Variants in SMAD9 observed in about 807,000 individuals in gnomAD.
SMAD9 encodes MAD homolog 9.
A neutral mutation model predicts 46.1 loss-of-function variants in SMAD9; 36 were observed. The observed-to-expected ratio is 0.78, with a 90% CI of 0.60 to 1.03. The LOEUF is 1.03. SMAD9 is among the 50% of genes least tolerant of loss of function. SMAD9 has a pLI of 0.00. For synonymous variants in SMAD9, 245 were observed against 237.1 expected (o/e 1.03, Z -0.31); for missense variants, 572 against 599.8 (o/e 0.95, Z 0.48).
At chr13:36,860,242 G>T (rs183103291) in intron 5 of SMAD9, among the ~76,000 whole-genome samples, 3 of 151,940 alleles carry the variant, frequency 2.0e-5, no homozygotes, top group African/African-American at 4.8e-5. Context: ...AAAACAAGAA[G>T]AATTACTAGA....
chr13:36,915,163 T>C (rs958037928), intron 1 of SMAD9, among the ~76,000 whole-genome samples: 1 of 152,196 alleles, frequency 6.6e-6, no homozygotes, highest in Non-Finnish European at 1.5e-5. Context: ...ACACTTCTAC[T>C]ACTTGCAAAC....
chr13:36,856,903 A>G (rs2058132054), intron 5 of SMAD9, among the ~76,000 whole-genome samples: 1 of 150,730 alleles, frequency 6.6e-6, no homozygotes, highest in Non-Finnish European at 1.5e-5. Context: ...CCCGGGTTCA[A>G]GCGATTCTCC....
chr13:36,856,330 C>T (rs139892066), intron 5 of SMAD9, among the ~76,000 whole-genome samples: 40 of 152,234 alleles, frequency 2.6e-4, no homozygotes, highest in African/African-American at 7.2e-4. Context: ...AAGATAAATA[C>T]GATTTTTTTG....
At position 36,920,187 on chromosome 13, in the gene SMAD9, A is replaced by AGCAGCG. The variant is rs2058733812; in HGVS notation, c.-259_-258insCGCTGC. ...CGGGGACCGAGACAGCGGCTGCAGC[A>AGCAGCG]GCGGCGGCGGCGGCGGCGGCGGCGG... On this transcript the variant is annotated 5_prime_UTR_variant, in exon 1 of 7. Transcript: ENST00000379826. 1 of 143,946 alleles carries AGCAGCG rather than the reference A, an allele frequency of 6.9e-6. No homozygotes were observed. Among genetic ancestry groups the AGCAGCG allele is most frequent in the South Asian group, 1.9e-4 (1 of 5,316 alleles). The allele number at this position is 143,946 out of a possible 1,614,324, so 8.9% of individuals were successfully genotyped here.
At chr13:36,852,451 T>C (rs1366292205) in intron 6 of SMAD9, 3 of 985,302 alleles carry the variant, frequency 3.0e-6, no homozygotes, top group Non-Finnish European at 3.6e-6. Flanking sequence ...TTCACTTCCA[T>C]ATACAAACCC....
chr13:36,916,358 G>A (rs1453939090), intron 1 of SMAD9, among the ~76,000 whole-genome samples: 2 of 152,190 alleles, frequency 1.3e-5, no homozygotes, highest in East Asian at 3.9e-4. Context: ...TGCAATAAGA[G>A]TATCATAGAA....
chr13:36,897,005 A>G lies in SMAD9; in HGVS notation c.-186-17130T>C, dbSNP rs183121027. On this transcript the variant is annotated intron_variant, in intron 1 of 6. Transcript: ENST00000379826. ...AAAAAAAACAGATTTAGAACACTCT[A>G]TGTGTAGATTTTATGAGCTGGTTTT... 2.0e-3 allele frequency among the ~76,000 whole-genome samples: 301 copies of G among 152,218 alleles called. 2 individuals carry two copies. The highest frequency in any genetic ancestry group is 6.6e-3 in the African/African-American group (274 of 41,540).
chr13:36,879,155 T>TG, intron 2 of SMAD9, 123 bp downstream of exon 2: 1 of 710,726 alleles, frequency 1.4e-6, no homozygotes, highest in Non-Finnish European at 2.2e-6. Context: ...AACCTCCCTC[T>TG]CCTCTCTTCT....
chr13:36,917,873 C>T (rs1177516437), intron 1 of SMAD9, among the ~76,000 whole-genome samples: 1 of 152,160 alleles, frequency 6.6e-6, no homozygotes, highest in Non-Finnish European at 1.5e-5. Flanking sequence ...TCTCATTAAT[C>T]AGAATTAAAC....
At chr13:36,919,401 C>G (rs2058723523) in intron 1 of SMAD9, among the ~76,000 whole-genome samples, 1 of 152,132 alleles carries the variant, frequency 6.6e-6, no homozygotes, top group Non-Finnish European at 1.5e-5. Context: ...AAGACAAACA[C>G]CCCGGCTCCG....
chr13:36,859,748 G>A (rs1289620365), intron 5 of SMAD9, among the ~76,000 whole-genome samples: 2 of 152,128 alleles, frequency 1.3e-5, no homozygotes, highest in African/African-American at 2.4e-5. Context: ...ATTGCCGGAG[G>A]TCGGGAGTTT....
At chr13:36,880,160 C>T (rs753656160) in intron 1 of SMAD9, among the ~76,000 whole-genome samples, 1 of 152,224 alleles carries the variant, frequency 6.6e-6, no homozygotes, top group Non-Finnish European at 1.5e-5. Context: ...GGTCTCAGGT[C>T]ATTCTGCCCT....
At chr13:36,919,608 C>A (rs1423186964) in intron 1 of SMAD9, among the ~76,000 whole-genome samples, 1 of 150,906 alleles carries the variant, frequency 6.6e-6, no homozygotes, top group African/African-American at 2.4e-5. Context: ...TGTCCGCTGT[C>A]CCCTATCTCC....
chr13:36,860,524 A>G lies in SMAD9; in HGVS notation c.1003+5013T>C, dbSNP rs556193591. ...GAGTGCAGTGGCACCAACTCGGCTC[A>G]CTGCAAGCTCTGCCTCCTGGGTTCA... On this transcript the variant is annotated intron_variant, in intron 5 of 6. Coordinates refer to ENST00000379826, the MANE Select transcript of SMAD9 (RefSeq NM_001127217.3). Among the ~76,000 whole-genome samples, 3 of 147,336 alleles carry G rather than the reference A, an allele frequency of 2.0e-5. No homozygotes were observed. In the East Asian group the frequency reaches 6.1e-4, roughly 30 times the overall value.
chr13:36,853,033 T>C (rs534874684), intron 6 of SMAD9, among the ~76,000 whole-genome samples: 1 of 152,340 alleles, frequency 6.6e-6, no homozygotes, highest in East Asian at 1.9e-4. Flanking sequence ...ACGCCTGTAA[T>C]CCCAGCACTT....
In SMAD9 at chr13:36,844,893, T is replaced by C. The variant is rs190024052; in HGVS notation, c.*3783A>G. 1 of 141,400 alleles carries C rather than the reference T, an allele frequency of 7.1e-6. No homozygotes were observed. The highest frequency in any genetic ancestry group is 1.5e-5 in the Non-Finnish European group (1 of 65,400). The allele number at this position is 141,400 out of a possible 1,614,324, so 8.8% of individuals were successfully genotyped here. On this transcript the variant is annotated 3_prime_UTR_variant, in exon 7 of 7. Transcript: ENST00000379826. ...ACAGTATAAGTGTGCATTTGATGGA[T>C]AACCGAAGCCAAGTTATTATAATAG...
chr13:36,887,899 G>A (rs2058460444), intron 1 of SMAD9, among the ~76,000 whole-genome samples: 1 of 152,124 alleles, frequency 6.6e-6, no homozygotes, highest in Non-Finnish European at 1.5e-5. Context: ...CAGGCAGCAG[G>A]AGGGGTGACA....
chr13:36,871,440 C>T (rs1410955639), intron 3 of SMAD9, among the ~76,000 whole-genome samples: 4 of 152,120 alleles, frequency 2.6e-5, no homozygotes, highest in Non-Finnish European at 5.9e-5. Context: ...ATTGCTTGAA[C>T]CTGGGAGGCA....
intron 1 of SMAD9, among the ~76,000 whole-genome samples, chr13:36,882,262 T>C (rs2058410761): frequency 1.4e-5 from 2 of 142,504 alleles, no homozygotes; most frequent in Admixed American, 6.8e-5. Flanking sequence ...TGTGTGTGTA[T>C]GTGTGTGCGG....
Sources: allele counts gnomAD v4.1 joint callset (sites outside exome capture counted in the v4.1 genomes callset), GRCh38; gene constraint gnomAD v4.1.1; transcripts MANE v1.5; gene names NCBI Gene and HGNC (gene_info 2026-07-23, HGNC 2026-07-21).